The following PLXNA2 variants were observed in gnomAD, a reference collection of about 807,000 sequenced individuals.
The protein encoded by PLXNA2 is plexin A2.
PLXNA2 carries 91 observed loss-of-function variants against 193.5 expected under a neutral mutation model. That is an observed-to-expected ratio of 0.47 (90% confidence interval 0.40 to 0.56). The LOEUF (loss-of-function observed/expected upper bound fraction) is 0.56. Among genes scored for constraint, PLXNA2 ranks in the 20% least tolerant of loss-of-function variants. The probability of loss-of-function intolerance (pLI) is 0.00; values close to 1 mark genes in which losing one functional copy is unlikely to be tolerated. For synonymous variants in PLXNA2, 997 were observed against 1,027.3 expected, an observed-to-expected ratio of 0.97 and a Z score of 0.56; for missense variants, 1,995 against 2,503.2, an observed-to-expected ratio of 0.80 and a Z score of 4.33.
At chr1:208,066,594 G>T (rs187058631) in intron 12 of PLXNA2, among the ~76,000 whole-genome samples, 1 of 152,288 alleles carries the variant, frequency 6.6e-6, no homozygotes, top group East Asian at 1.9e-4. Flanking sequence ...GATGCTAAAT[G>T]ACTAGGTTAT....
chr1:208,080,790 C>T (rs539904158), intron 11 of PLXNA2, among the ~76,000 whole-genome samples: 5 of 152,202 alleles, frequency 3.3e-5, no homozygotes, highest in African/African-American at 1.2e-4. Flanking sequence ...TCACGGTGAC[C>T]CTGAGAAGTG....
chr1:208,148,684 G>A (rs1186126715), intron 3 of PLXNA2, among the ~76,000 whole-genome samples: 1 of 152,176 alleles, frequency 6.6e-6, no homozygotes, highest in Non-Finnish European at 1.5e-5. Context: ...CCCGGTGATG[G>A]GGAAATGGAC....
At chr1:208,027,987 C>A in intron 31 of PLXNA2, 22 bp downstream of exon 31, 1 of 1,530,886 alleles carries the variant, frequency 6.5e-7, no homozygotes, top group South Asian at 1.3e-5. Context: ...TGGTTTCTGT[C>A]CCTGCTGGGG....
chr1:208,060,897 C>A, intron 12 of PLXNA2, 60 bp from the exon 13 acceptor site: 1 of 1,524,854 alleles, frequency 6.6e-7, no homozygotes, highest in Non-Finnish European at 9.0e-7. Context: ...AACAGCAGCA[C>A]CCTTCCCCCT....
At chr1:208,037,053 A>C (rs1664690591) in intron 26 of PLXNA2, among the ~76,000 whole-genome samples, 1 of 152,170 alleles carries the variant, frequency 6.6e-6, no homozygotes, top group Non-Finnish European at 1.5e-5. Context: ...GCATGTGTGT[A>C]TGTGTACAGA....
intron 4 of PLXNA2, among the ~76,000 whole-genome samples, chr1:208,135,861 G>T (rs1668285441): frequency 6.6e-6 from 1 of 152,148 alleles, no homozygotes; most frequent in Admixed American, 6.5e-5. Flanking sequence ...ATGGGTGTTG[G>T]GCAGCAGAGG....
chr1:208,133,961 C>A (rs555245939), intron 4 of PLXNA2, among the ~76,000 whole-genome samples: 36 of 152,314 alleles, frequency 2.4e-4, no homozygotes, highest in African/African-American at 8.4e-4. Context: ...TGATTCTGGG[C>A]AGTCAGTGTC....
chr1:208,031,864 G>A lies in PLXNA2; in HGVS notation c.5056-105C>T, dbSNP rs986415234. 1.7e-5 allele frequency: 22 copies of A among 1,286,006 alleles called. 1 individual carries two copies. The Admixed American group carries it at 5.1e-4, about 30-fold the overall frequency. The allele number at this position is 1,286,006 out of a possible 1,614,324, so 79.7% of individuals were successfully genotyped here. On this transcript the variant is annotated intron_variant, in intron 28 of 31. Coordinates refer to ENST00000367033, the MANE Select transcript of PLXNA2 (RefSeq NM_025179.4). ...CCCATCCTGCCTTGGAAATTTGTCT[G>A]GGACACGAGGCTGTGCAGGCAGTGT...
rs1378548657 is a variant in PLXNA2, at chr1:208,027,156, G to C, written c.*87C>G. On this transcript the variant is annotated 3_prime_UTR_variant, in exon 32 of 32. Coordinates refer to ENST00000367033, the MANE Select transcript of PLXNA2 (RefSeq NM_025179.4). ...CAGGGGACAGCAAGCTCTGGGGCCT[G>C]ATCCCCATCACTTGTCCTTCCATCT... 1.7e-6 allele frequency: 2 copies of C among 1,202,640 alleles called. No homozygotes were observed. The highest frequency in any genetic ancestry group is 2.4e-6 in the Non-Finnish European group (2 of 820,808). The allele number at this position is 1,202,640 out of a possible 1,614,324, so 74.5% of individuals were successfully genotyped here.
intron 12 of PLXNA2, among the ~76,000 whole-genome samples, chr1:208,061,588 AAAG>A (rs796990650): frequency 1.1e-4 from 17 of 152,350 alleles, no homozygotes; most frequent in African/African-American, 4.1e-4. Flanking sequence ...ATGCTAGGAC[AAAG>A]AAGAAATAAC....
Position 208,082,368 on chromosome 1 carries a change from G to T in PLXNA2, c.2395+44C>A. On this transcript the variant is annotated intron_variant, in intron 11 of 31. Coordinates refer to ENST00000367033, the MANE Select transcript of PLXNA2 (RefSeq NM_025179.4). The surrounding 1 kb of genome is among the most constrained non-coding windows in gnomAD (Gnocchi z 4.2). ...ATCCCTCTAGCCCCAGTCTTTCCCG[G>T]GGTCGTGAAAAGATCAAACTTCTAC... The T allele has an allele frequency of 1.3e-6, 2 of 1,485,364 alleles. No individual in the cohort carries two copies. Among genetic ancestry groups the T allele is most frequent in the South Asian group, 2.3e-5 (2 of 86,506 alleles). The allele number at this position is 1,485,364 out of a possible 1,614,324, so 92.0% of individuals were successfully genotyped here.
At position 208,217,403 on chromosome 1, in the gene PLXNA2, G is replaced by A. The variant is rs774117379; in HGVS notation, c.520C>T (p.Arg174Cys). Residue 174 changes from arginine to cysteine, a missense_variant, in exon 2 of 32, where the codon CGC (arginine) becomes TGC (cysteine). Transcript: ENST00000367033. This position sits in a 1 kb window ranked among gnomAD's most constrained non-coding sequence, Gnocchi z 4.7. ...AGCTTGCCATCCTCACCCTCAGAGC[G>A]CACAATCACCCCGTACATGGTGCCC... ...KTGTMYGVIV[R>C]SEGEDGKLFI... 4.1e-5 allele frequency: 66 copies of A among 1,614,042 alleles called. 1 individual carries two copies. In the South Asian group the frequency reaches 5.7e-4, roughly 14 times the overall value.
intron 21 of PLXNA2, 151 bp from the exon 22 acceptor site, chr1:208,042,517 C>T (rs1394695669): frequency 3.4e-5 from 26 of 756,688 alleles, no homozygotes; most frequent in Admixed American, 2.0e-4. Context: ...TCCACTCACC[C>T]GTGATGATGT....
chr1:208,203,213 A>G (rs545321014), intron 3 of PLXNA2, among the ~76,000 whole-genome samples: 1 of 152,326 alleles, frequency 6.6e-6, no homozygotes, highest in East Asian at 1.9e-4. Context: ...AGAACAACAA[A>G]ACAAACAGCG....
chr1:208,120,435 A>G (rs947883051), intron 4 of PLXNA2, among the ~76,000 whole-genome samples: 1 of 152,198 alleles, frequency 6.6e-6, no homozygotes, highest in Non-Finnish European at 1.5e-5. Flanking sequence ...GGGGAGGGGC[A>G]GGCAGCACTT....
chr1:208,027,341 G>T lies in PLXNA2; in HGVS notation c.5590-3C>A. On this transcript the variant is annotated splice_polypyrimidine_tract_variant and splice_region_variant and intron_variant, in intron 31 of 31. Transcript: ENST00000367033. ...TCCTGCTCTAGGGCCCCGATGAGCTGAGGAGCAAAAACAAAGGCAGGAAGA... is the reference window on the plus strand; with the variant it reads ...TCCTGCTCTAGGGCCCCGATGAGCTTAGGAGCAAAAACAAAGGCAGGAAGA... The T allele has an allele frequency of 6.2e-7, 1 of 1,611,702 alleles. No homozygotes were observed.
At chr1:208,168,433 C>T (rs1332436742) in intron 3 of PLXNA2, among the ~76,000 whole-genome samples, 2 of 152,136 alleles carry the variant, frequency 1.3e-5, no homozygotes, top group Non-Finnish European at 2.9e-5. Context: ...AGGAGGGTGA[C>T]CAACACATAG....
At chr1:208,041,206 T>C (rs1441851816) in intron 22 of PLXNA2, among the ~76,000 whole-genome samples, 13 of 152,174 alleles carry the variant, frequency 8.5e-5, no homozygotes, top group Non-Finnish European at 1.9e-4. Flanking sequence ...AGCAAAGCCA[T>C]TCTTCCTCCC....
At chr1:208,209,927 A>T (rs1194609182) in intron 3 of PLXNA2, 3 of 234,604 alleles carry the variant, frequency 1.3e-5, no homozygotes, top group Non-Finnish European at 2.5e-5. Context: ...GATTTTGGAG[A>T]TTTATAATGC....
Sources: gnomAD v4.1 joint callset for allele counts (sites outside exome capture counted in the v4.1 genomes callset) on GRCh38, gnomAD v4.1.1 for gene constraint, Gnocchi (gnomAD v3.1) non-coding constraint, MANE v1.5 for transcripts, NCBI Gene and HGNC (gene_info 2026-07-23, HGNC 2026-07-21) for gene names.